The following MACROD2 variants were observed in gnomAD, a reference collection of about 807,000 sequenced individuals.
The protein encoded by MACROD2 is mono-ADP ribosylhydrolase 2.
In MACROD2, 36 loss-of-function variants were observed where a neutral mutation model predicts 70.4. The ratio of observed to expected loss-of-function variants is 0.51; its 90% CI spans 0.39 to 0.68. The LOEUF (loss-of-function observed/expected upper bound fraction) is 0.68. MACROD2 is among the 30% of genes least tolerant of loss of function. The probability of loss-of-function intolerance (pLI) is 0.00; values close to 1 mark genes in which losing one functional copy is unlikely to be tolerated. For synonymous variants in MACROD2, 172 were observed against 178.8 expected (o/e 0.96, Z 0.30); for missense variants, 496 against 538.4 (o/e 0.92, Z 0.78).
chr20:15,166,570 T>G (rs1277820259), intron 5 of MACROD2, among the ~76,000 whole-genome samples: 1 of 151,922 alleles, frequency 6.6e-6, no homozygotes, highest in Non-Finnish European at 1.5e-5. Flanking sequence ...ATGCTTAAAA[T>G]AATTTAAAGG....
intron 4 of MACROD2, among the ~76,000 whole-genome samples, chr20:14,553,534 G>T (rs1427386597): frequency 6.7e-6 from 1 of 149,312 alleles, no homozygotes; most frequent in Non-Finnish European, 1.5e-5. Context: ...GTAAATAATT[G>T]TATGTACTAT....
chr20:15,703,464 C>G lies in MACROD2; in HGVS notation c.646-159281C>G, dbSNP rs147265155. On this transcript the variant is annotated intron_variant, in intron 8 of 17. Transcript: ENST00000684519. ...CCCTGGAGGTATCTTAACTTACAAC[C>G]CCCAGTCTATAAACTCTCCACTAAA... Among the ~76,000 whole-genome samples the G allele has an allele frequency of 7.7e-3, 1,173 of 152,266 alleles. 10 individuals carry two copies. Among genetic ancestry groups the G allele is most frequent in the African/African-American group, 0.027 (1,126 of 41,554 alleles).
intron 5 of MACROD2, among the ~76,000 whole-genome samples, chr20:14,826,386 T>C (rs922514707): frequency 6.6e-6 from 1 of 152,156 alleles, no homozygotes; most frequent in African/African-American, 2.4e-5. Flanking sequence ...CAAATTCTTT[T>C]TGAATTTTTC....
In MACROD2 at chr20:14,309,395, C is replaced by T. The variant is rs574718086; in HGVS notation, c.272-184084C>T. ...AGAAAAGTAAAAAGAAAAAAGTGCA[C>T]CTATAATCTCACCACTCAGAAGTAA... On this transcript the variant is annotated intron_variant, in intron 3 of 17. Coordinates refer to ENST00000684519, the MANE Select transcript of MACROD2 (RefSeq NM_001351661.2). Among the ~76,000 whole-genome samples, 15 of 152,146 alleles carry T rather than the reference C, an allele frequency of 9.9e-5. No individual in the cohort carries two copies. In the South Asian group the frequency reaches 3.1e-3, roughly 32 times the overall value.
chr20:15,054,975 G>A (rs1360056310), intron 5 of MACROD2, among the ~76,000 whole-genome samples: 88 of 136,362 alleles, frequency 6.5e-4, no homozygotes, highest in African/African-American at 2.5e-3. Flanking sequence ...TTGAGATGGA[G>A]TTTCACTCTT....
intron 7 of MACROD2, among the ~76,000 whole-genome samples, chr20:15,460,567 T>C (rs951429748): frequency 6.6e-6 from 1 of 152,176 alleles, no homozygotes; most frequent in Non-Finnish European, 1.5e-5. Context: ...TGATCAAAAC[T>C]TCTTCCCTTT....
chr20:14,810,897 C>T lies in MACROD2; in HGVS notation c.418+125938C>T, dbSNP rs538294427. Reference sequence around the variant, plus strand: ...AACTTACAAGGGATGTGAAGGACCTCTTCAAGGAGAACTACAAACCACTGC... The same window carrying T: ...AACTTACAAGGGATGTGAAGGACCTTTTCAAGGAGAACTACAAACCACTGC... On this transcript the variant is annotated intron_variant, in intron 5 of 17. Transcript: ENST00000684519. Among the ~76,000 whole-genome samples, 8 of 152,180 alleles carry T rather than the reference C, an allele frequency of 5.3e-5. No individual in the cohort carries two copies. The East Asian group carries it at 1.5e-3, about 29-fold the overall frequency.
intron 6 of MACROD2, among the ~76,000 whole-genome samples, chr20:15,310,134 GGTT>G (rs980835883): frequency 2.0e-5 from 3 of 152,142 alleles, no homozygotes; most frequent in African/African-American, 7.2e-5. Context: ...CATTTCTCAG[GGTT>G]GTTGTACAGA....
chr20:15,494,663 G>T lies in MACROD2; in HGVS notation c.572-5111G>T, dbSNP rs557948079. On this transcript the variant is annotated intron_variant, in intron 7 of 17. Transcript: ENST00000684519. ...AGTCAGAATAGTGGTTATTTTGAGGGCTGGGCATTGACTCAGGACAAGGCA... is the reference window on the plus strand; with the variant it reads ...AGTCAGAATAGTGGTTATTTTGAGGTCTGGGCATTGACTCAGGACAAGGCA... Among the ~76,000 whole-genome samples, 16 of 152,082 alleles carry T rather than the reference G, an allele frequency of 1.1e-4. No homozygotes were observed. The East Asian group carries it at 2.3e-3, about 22-fold the overall frequency.
At chr20:15,589,082 A>C (rs1281752824) in intron 8 of MACROD2, among the ~76,000 whole-genome samples, 1 of 152,254 alleles carries the variant, frequency 6.6e-6, no homozygotes, top group East Asian at 1.9e-4. Context: ...GGGAGGCCTC[A>C]GAATCATGGC....
chr20:15,222,213 A>T (rs1006000845), intron 5 of MACROD2, among the ~76,000 whole-genome samples: 13 of 152,212 alleles, frequency 8.5e-5, no homozygotes, highest in African/African-American at 3.1e-4. Context: ...GAGTAATCCG[A>T]ATTTAGAAAA....
At chr20:14,597,547 A>T (rs1982227125) in intron 4 of MACROD2, among the ~76,000 whole-genome samples, 1 of 152,102 alleles carries the variant, frequency 6.6e-6, no homozygotes, top group Non-Finnish European at 1.5e-5. Flanking sequence ...TTAAGCTTCT[A>T]ACATTAAGAA....
intron 3 of MACROD2, among the ~76,000 whole-genome samples, chr20:14,204,191 G>A (rs2081503951): frequency 6.6e-6 from 1 of 152,166 alleles, no homozygotes; most frequent in Non-Finnish European, 1.5e-5. Flanking sequence ...TAGCTCTCAG[G>A]CTCTGGAGAA....
chr20:14,641,401 G>A (rs1294298470), intron 4 of MACROD2, among the ~76,000 whole-genome samples: 3 of 152,198 alleles, frequency 2.0e-5, no homozygotes, highest in African/African-American at 7.2e-5. Flanking sequence ...TCCTGTTGAT[G>A]TTTGAATTTT....
rs553065342 is a variant in MACROD2, at chr20:15,485,350, C to G, written c.572-14424C>G. On this transcript the variant is annotated intron_variant, in intron 7 of 17. Transcript: ENST00000684519. ...CCCAAAGAGGTCCATCAAAGTAAAT[C>G]TCTAACATTTGTGTTTAAATGGATA... is the stretch of plus-strand genomic sequence containing the variant. 3.3e-5 allele frequency among the ~76,000 whole-genome samples: 5 copies of G among 152,226 alleles called. No homozygotes were observed. In the South Asian group the frequency reaches 1.0e-3, roughly 32 times the overall value.
intron 3 of MACROD2, among the ~76,000 whole-genome samples, chr20:14,372,740 C>T (rs4464346): frequency 0.28 from 42,005 of 151,954 alleles, 6,929 homozygotes; most frequent in East Asian, 0.57. Context: ...TTCCACTAGG[C>T]ATTTCTCCAC....
chr20:15,127,251 A>G (rs888046125), intron 5 of MACROD2, among the ~76,000 whole-genome samples: 4 of 152,108 alleles, frequency 2.6e-5, no homozygotes, highest in African/African-American at 9.7e-5. Flanking sequence ...AAATAAATAA[A>G]TGCTAGAAAG....
At chr20:15,556,163 A>G (rs922649440) in intron 8 of MACROD2, among the ~76,000 whole-genome samples, 1 of 152,202 alleles carries the variant, frequency 6.6e-6, no homozygotes, top group African/African-American at 2.4e-5. Flanking sequence ...TCACAAAAAC[A>G]GCCATTCTGG....
intron 5 of MACROD2, among the ~76,000 whole-genome samples, chr20:15,090,307 A>G (rs1431699202): frequency 6.6e-6 from 1 of 152,076 alleles, no homozygotes; most frequent in Non-Finnish European, 1.5e-5. Flanking sequence ...CATACACTGG[A>G]TGCAACTATC....
Sources: gnomAD v4.1 joint callset for allele counts (sites outside exome capture counted in the v4.1 genomes callset) on GRCh38, gnomAD v4.1.1 for gene constraint, MANE v1.5 for transcripts, NCBI Gene and HGNC (gene_info 2026-07-23, HGNC 2026-07-21) for gene names.